The following MIS18A variants were observed in gnomAD, a reference collection of about 807,000 sequenced individuals.
MIS18A encodes protein Mis18-alpha.
Under a neutral mutation model 25.0 loss-of-function variants are expected in MIS18A, and 14 were observed. That is an observed-to-expected ratio of 0.56 (90% CI 0.37 to 0.88). The LOEUF is 0.88. Ranked by LOEUF, MIS18A falls within the 40% of genes least tolerant of loss-of-function variation. The probability of loss-of-function intolerance (pLI) is 0.00; values close to 1 mark genes in which losing one functional copy is unlikely to be tolerated. For missense variants in MIS18A, 292 were observed against 290.8 expected, an observed-to-expected ratio of 1.00 and a Z score of -0.03; for synonymous variants, 134 against 118.6, an observed-to-expected ratio of 1.13 and a Z score of -0.84.
chr21:32,271,893 A>G (rs2031721238), intron 2 of MIS18A, among the ~76,000 whole-genome samples: 1 of 152,214 alleles, frequency 6.6e-6, no homozygotes, highest in Non-Finnish European at 1.5e-5. Context: ...CTGCAAACTA[A>G]TATCTAATGT....
chr21:32,269,336 CTT>C (rs1319306061), intron 4 of MIS18A, among the ~76,000 whole-genome samples: 3 of 152,140 alleles, frequency 2.0e-5, no homozygotes, highest in African/African-American at 7.2e-5. Context: ...ATCTACATCT[CTT>C]TTATACAATC....
At chr21:32,192,903 C>A in the MIS18A span, among the ~76,000 whole-genome samples, 2 of 152,170 alleles carry the variant, frequency 1.3e-5, no homozygotes, top group Non-Finnish European at 2.9e-5. Context: ...AAACAGATAA[C>A]TGCATCCCCA....
chr21:32,190,320 T>C, the MIS18A span, among the ~76,000 whole-genome samples: 1 of 152,194 alleles, frequency 6.6e-6, no homozygotes, highest in African/African-American at 2.4e-5. Flanking sequence ...GCCACCCACC[T>C]CTGTTCTACA....
the MIS18A span, among the ~76,000 whole-genome samples, chr21:32,162,584 C>A: frequency 6.6e-6 from 1 of 152,190 alleles, no homozygotes; most frequent in African/African-American, 2.4e-5. Flanking sequence ...CTGATCGTAT[C>A]ATAGTGATAT....
chr21:32,170,781 T>A, the MIS18A span, among the ~76,000 whole-genome samples: 1 of 151,846 alleles, frequency 6.6e-6, no homozygotes, highest in African/African-American at 2.4e-5. Context: ...GGATTATACA[T>A]CAAGACCAAG....
chr21:32,272,315 C>CA (rs2031728550), intron 2 of MIS18A, among the ~76,000 whole-genome samples: 1 of 152,212 alleles, frequency 6.6e-6, no homozygotes, highest in African/African-American at 2.4e-5. Flanking sequence ...CTCTTGCTGA[C>CA]CATCAGCAGA....
the MIS18A span, among the ~76,000 whole-genome samples, chr21:32,212,538 C>A: frequency 1.3e-3 from 202 of 152,306 alleles, 1 homozygote; most frequent in African/African-American, 4.7e-3. Flanking sequence ...TGTGCCGTGA[C>A]TGAGGACACA....
the MIS18A span, among the ~76,000 whole-genome samples, chr21:32,158,029 A>G: frequency 1.3e-5 from 2 of 152,188 alleles, no homozygotes; most frequent in African/African-American, 4.8e-5. Flanking sequence ...AGTGTTTACC[A>G]ATTTGATAAG....
At chr21:32,169,799 C>T in the MIS18A span, among the ~76,000 whole-genome samples, 1 of 152,012 alleles carries the variant, frequency 6.6e-6, no homozygotes, top group Non-Finnish European at 1.5e-5. Flanking sequence ...AGTGGCCACA[C>T]ACAACAAAGA....
the MIS18A span, among the ~76,000 whole-genome samples, chr21:32,239,608 T>C: frequency 6.6e-5 from 10 of 152,206 alleles, no homozygotes; most frequent in Non-Finnish European, 1.2e-4. Context: ...CAACCAGGTA[T>C]GTGCGAGCCG....
chr21:32,267,488 C>T (rs965711700), downstream of MIS18A, among the ~76,000 whole-genome samples: 2 of 152,228 alleles, frequency 1.3e-5, no homozygotes, highest in Non-Finnish European at 2.9e-5. Flanking sequence ...TTAGAAATTA[C>T]TTTTCATTGG....
At chr21:32,249,984 C>G in the MIS18A span, among the ~76,000 whole-genome samples, 3 of 152,162 alleles carry the variant, frequency 2.0e-5, no homozygotes, top group African/African-American at 7.2e-5. Context: ...TCCCATTTCA[C>G]AGAGGAGAAA....
the MIS18A span, among the ~76,000 whole-genome samples, chr21:32,166,684 TTAAA>T: frequency 2.0e-5 from 3 of 152,128 alleles, no homozygotes; most frequent in Non-Finnish European, 4.4e-5. Context: ...ATTCATATAA[TTAAA>T]TAAATATGTA....
At chr21:32,233,448 T>C in the MIS18A span, among the ~76,000 whole-genome samples, 1 of 152,224 alleles carries the variant, frequency 6.6e-6, no homozygotes, top group Non-Finnish European at 1.5e-5. Flanking sequence ...TGTGCAGTGA[T>C]ACTGTAATCA....
chr21:32,253,539 T>C, the MIS18A span, among the ~76,000 whole-genome samples: 1 of 152,184 alleles, frequency 6.6e-6, no homozygotes, highest in Admixed American at 6.5e-5. Context: ...GACAGCATCA[T>C]GCCCAGATCA....
At chr21:32,157,223 A>ATTTTTTCTTTTT in the MIS18A span, among the ~76,000 whole-genome samples, 1 of 72,334 alleles carries the variant, frequency 1.4e-5, no homozygotes, top group African/African-American at 6.8e-5. Flanking sequence ...TACCCGGCTA[A>ATTTTTTCTTTTT]TTTTTTTTTT....
chr21:32,260,146 C>T, the MIS18A span: 1 of 137,062 alleles, frequency 7.3e-6, no homozygotes, highest in South Asian at 2.4e-4. Flanking sequence ...TGAATTGCCT[C>T]CAGTGTACAA....
the MIS18A span, among the ~76,000 whole-genome samples, chr21:32,211,392 C>T: frequency 6.6e-6 from 1 of 152,192 alleles, no homozygotes; most frequent in Non-Finnish European, 1.5e-5. Context: ...TGTAACTGTT[C>T]CACCAAATCA....
chr21:32,264,627 A>T (rs1468167097), downstream of MIS18A, among the ~76,000 whole-genome samples: 1 of 152,200 alleles, frequency 6.6e-6, no homozygotes, highest in Non-Finnish European at 1.5e-5. Context: ...AAGCAGTTAA[A>T]CTGGGACTTT....
Sources: gnomAD v4.1 joint callset for allele counts (sites outside exome capture counted in the v4.1 genomes callset) on GRCh38, gnomAD v4.1.1 for gene constraint, MANE v1.5 for transcripts, NCBI Gene and HGNC (gene_info 2026-07-23, HGNC 2026-07-21) for gene names.